PCDHGB7: variants seen among roughly 807,000 people sequenced by gnomAD.
PCDHGB7 encodes the protein protocadherin gamma-B7.
Under a neutral mutation model 61.4 loss-of-function variants are expected in PCDHGB7, and 37 were observed. The ratio of observed to expected loss-of-function variants is 0.60; its 90% CI spans 0.46 to 0.79. The LOEUF is 0.79. PCDHGB7 is among the 30% of genes least tolerant of loss of function. The pLI is 0.00. For missense variants in PCDHGB7, 1,166 were observed against 1,202.5 expected (o/e 0.97, Z 0.45); for synonymous variants, 464 against 503.5 (o/e 0.92, Z 1.05).
At chr5:141,473,167 C>T (rs1360150717) in intron 1 of PCDHGB7, among the ~76,000 whole-genome samples, 2 of 152,122 alleles carry the variant, frequency 1.3e-5, no homozygotes. Flanking sequence ...TAGGAAGGCC[C>T]ACTGGTAACT....
intron 1 of PCDHGB7, chr5:141,430,741 A>T (rs370226249): frequency 6.7e-6 from 10 of 1,498,900 alleles, no homozygotes; most frequent in Non-Finnish European, 8.9e-6. Flanking sequence ...ATTGAAAATA[A>T]TTCTGGAGGA....
At chr5:141,439,631 A>G (rs1459977985) in intron 1 of PCDHGB7, among the ~76,000 whole-genome samples, 2 of 152,214 alleles carry the variant, frequency 1.3e-5, no homozygotes, top group African/African-American at 2.4e-5. Context: ...ATCCCCAGAC[A>G]TTCCGGCTTG....
At chr5:141,501,287 T>C (rs1025193070) in intron 2 of PCDHGB7, among the ~76,000 whole-genome samples, 1 of 96,980 alleles carries the variant, frequency 1.0e-5, no homozygotes, top group African/African-American at 4.2e-5. Context: ...GGATATTCCC[T>C]TATACACACA....
intron 1 of PCDHGB7, among the ~76,000 whole-genome samples, chr5:141,472,677 C>T (rs1275941416): frequency 6.6e-6 from 1 of 151,658 alleles, no homozygotes; most frequent in Non-Finnish European, 1.5e-5. Context: ...ACTGGTCCTT[C>T]CATTTCCCCT....
At chr5:141,478,050 C>G (rs2099429383) in intron 1 of PCDHGB7, 2 of 1,614,184 alleles carry the variant, frequency 1.2e-6, no homozygotes, top group South Asian at 2.2e-5. Context: ...CAGACTCTCA[C>G]GGTCTTGATC....
intron 1 of PCDHGB7, chr5:141,422,554 G>A (rs753985751): frequency 1.2e-5 from 19 of 1,613,870 alleles, no homozygotes; most frequent in Non-Finnish European, 1.6e-5. Flanking sequence ...CTGGCTGAAT[G>A]TGGCAGATGA....
chr5:141,476,336 C>G lies in PCDHGB7; in HGVS notation c.2416-18471C>G, dbSNP rs1228900349. The G allele has an allele frequency of 2.5e-6, 4 of 1,614,008 alleles. No individual in the cohort carries two copies. The highest frequency in any genetic ancestry group is 2.2e-5 in the East Asian group (1 of 44,854). ...GTTCCGGGTGGTGTCTGGAGCTAGC[C>G]GAAGATTCTTTGAGGTGAACCGGGA... On this transcript the variant is annotated intron_variant, in intron 1 of 3. Coordinates refer to ENST00000398594, the MANE Select transcript of PCDHGB7 (RefSeq NM_018927.4). The surrounding 1 kb of genome is among the most constrained non-coding windows in gnomAD (Gnocchi z 7.6).
chr5:141,422,487 T>C lies in PCDHGB7; in HGVS notation c.2415+2213T>C, dbSNP rs1295400741. 5.0e-6 allele frequency: 8 copies of C among 1,613,938 alleles called. No individual in the cohort carries two copies. The East Asian group carries it at 1.8e-4, about 36-fold the overall frequency. ...ACAGGGAGTTGGTCCAGAGCTACAA[T>C]ATAACGTTGACAGCCACAGACCAGG... On this transcript the variant is annotated intron_variant, in intron 1 of 3. Coordinates refer to ENST00000398594, the MANE Select transcript of PCDHGB7 (RefSeq NM_018927.4).
At chr5:141,458,907 A>AT (rs759653270) in intron 1 of PCDHGB7, among the ~76,000 whole-genome samples, 1 of 151,752 alleles carries the variant, frequency 6.6e-6, no homozygotes, top group Non-Finnish European at 1.5e-5. Context: ...AATTTTTTCT[A>AT]TTTTTTGTGG....
chr5:141,422,828 T>C (rs1273420440), intron 1 of PCDHGB7: 2 of 1,614,232 alleles, frequency 1.2e-6, no homozygotes, highest in East Asian at 4.5e-5. Context: ...CTGAGAGTGA[T>C]AGCACGTGAC....
At chr5:141,444,783 C>A (rs551686741) in intron 1 of PCDHGB7, among the ~76,000 whole-genome samples, 2 of 152,100 alleles carry the variant, frequency 1.3e-5, no homozygotes, top group Non-Finnish European at 2.9e-5. Context: ...GATCATGTTT[C>A]ATTTGTCTAT....
intron 1 of PCDHGB7, among the ~76,000 whole-genome samples, chr5:141,443,179 A>G (rs2098370392): frequency 6.6e-6 from 1 of 152,190 alleles, no homozygotes; most frequent in South Asian, 2.1e-4. Flanking sequence ...TGTCCACTGC[A>G]TCATTCTCTA....
At chr5:141,421,616 AC>A in intron 1 of PCDHGB7, 1 of 1,613,792 alleles carries the variant, frequency 6.2e-7, no homozygotes, top group Non-Finnish European at 8.5e-7. Context: ...ATTAATGATA[AC>A]GCCCCCAGCT....
At position 141,499,689 on chromosome 5, in the gene PCDHGB7, C is replaced by CTT. The variant is rs545067566; in HGVS notation, c.2474+4845_2474+4846dup. 4.8e-3 allele frequency among the ~76,000 whole-genome samples: 577 copies of CTT among 119,808 alleles called. 2 individuals carry two copies. Among genetic ancestry groups the CTT allele is most frequent in the Non-Finnish European group, 6.7e-3 (386 of 57,912 alleles). 78.6% of individuals were successfully genotyped at this position (119,808 alleles called of 152,430 possible). A position where few individuals can be genotyped will look rare whatever the true frequency, so the allele number is the denominator to read the frequency against. On this transcript the variant is annotated intron_variant, in intron 2 of 3. Coordinates refer to ENST00000398594, the MANE Select transcript of PCDHGB7 (RefSeq NM_018927.4). ...GGTCTCCACCATCTTTAACAGATGA[C>CTT]TTTTTTTTTTTTTTTTTTTTTTGGA...
chr5:141,432,374 C>T lies in PCDHGB7; in HGVS notation c.2415+12100C>T. The T allele has an allele frequency of 6.2e-7, 1 of 1,614,240 alleles. No individual in the cohort carries two copies. The highest frequency in any genetic ancestry group is 1.1e-5 in the South Asian group (1 of 91,082). ...GAAAGTGATGGCGCGGGACAACGGG[C>T]ACCCGCCCCTCAGCAGCAACGTGTC... On this transcript the variant is annotated intron_variant, in intron 1 of 3. Transcript: ENST00000398594. The surrounding 1 kb of genome is among the most constrained non-coding windows in gnomAD (Gnocchi z 6.0).
chr5:141,510,221 C>T lies in PCDHGB7; in HGVS notation c.2564-726C>T, dbSNP rs891359580. On this transcript the variant is annotated intron_variant, in intron 3 of 3. Transcript: ENST00000398594. The stretch of plus-strand genomic sequence containing the variant: ...CCAGGAGGCAGAGGTTGCAGTGAGC[C>T]GGGATCGCGCCACTGCACTCCAGGC... Among the ~76,000 whole-genome samples, 12 of 150,616 alleles carry T rather than the reference C, an allele frequency of 8.0e-5. No homozygotes were observed. In the East Asian group the frequency reaches 1.2e-3, roughly 15 times the overall value.
chr5:141,494,740 T>C, intron 1 of PCDHGB7, 67 bp from the exon 2 acceptor site: 1 of 1,612,194 alleles, frequency 6.2e-7, no homozygotes, highest in Non-Finnish European at 8.5e-7. Context: ...GGCCCATCCC[T>C]AGGGGCTCGG....
chr5:141,486,089 G>T lies in PCDHGB7; in HGVS notation c.2416-8718G>T, dbSNP rs2099624123. On this transcript the variant is annotated intron_variant, in intron 1 of 3. Coordinates refer to ENST00000398594, the MANE Select transcript of PCDHGB7 (RefSeq NM_018927.4). The surrounding 1 kb of genome is among the most constrained non-coding windows in gnomAD (Gnocchi z 5.0). ...CACTACTGGAAAGCTTACTCTTTTG[G>T]GGCCCCTAGACTTTGAGAGTGAGAA... is the stretch of plus-strand genomic sequence containing the variant. 1 of 1,614,084 alleles carries T rather than the reference G, an allele frequency of 6.2e-7. No individual in the cohort carries two copies. The highest frequency in any genetic ancestry group is 8.5e-7 in the Non-Finnish European group (1 of 1,180,014).
At chr5:141,478,143 A>G (rs759384540) in intron 1 of PCDHGB7, 72 of 1,614,014 alleles carry the variant, frequency 4.5e-5, no homozygotes, top group Middle Eastern at 3.3e-4. Context: ...GCCCGAGCCG[A>G]GTTCCCCTCT....
Sources: allele counts gnomAD v4.1 joint callset (sites outside exome capture counted in the v4.1 genomes callset), GRCh38; gene constraint gnomAD v4.1.1; non-coding constraint Gnocchi (gnomAD v3.1); transcripts MANE v1.5; gene names NCBI Gene and HGNC (gene_info 2026-07-23, HGNC 2026-07-21).